LRP1B: variants seen among roughly 807,000 people sequenced by gnomAD.
LRP1B encodes low-density lipoprotein receptor-related protein 1B.
Under a neutral mutation model 556.6 loss-of-function variants are expected in LRP1B, and 217 were observed. The ratio of observed to expected loss-of-function variants is 0.39; its 90% CI spans 0.35 to 0.44. The LOEUF (loss-of-function observed/expected upper bound fraction) is 0.44, where lower values mean the gene tolerates loss of function less well. Among genes scored for constraint, LRP1B ranks in the 20% least tolerant of loss-of-function variants. The probability of loss-of-function intolerance (pLI) is 1.00; values close to 1 mark genes in which losing one functional copy is unlikely to be tolerated. For missense variants in LRP1B, 5,053 were observed against 5,620.8 expected (o/e 0.90, Z 3.23); for synonymous variants, 2,047 against 1,865.8 (o/e 1.10, Z -2.50).
At chr2:142,059,562 G>T (rs535096782) in intron 1 of LRP1B, among the ~76,000 whole-genome samples, 1 of 151,896 alleles carries the variant, frequency 6.6e-6, no homozygotes, top group South Asian at 2.1e-4. Flanking sequence ...TATAGTAGGC[G>T]ATCTTTTAAA....
chr2:140,745,661 A>T (rs528955484), intron 35 of LRP1B, among the ~76,000 whole-genome samples: 7 of 151,976 alleles, frequency 4.6e-5, no homozygotes, highest in African/African-American at 1.7e-4. Flanking sequence ...GTTCCCTTTC[A>T]TGAAAGATTT....
intron 32 of LRP1B, among the ~76,000 whole-genome samples, chr2:140,812,550 T>C (rs1177746581): frequency 1.3e-5 from 2 of 151,902 alleles, no homozygotes; most frequent in African/African-American, 2.4e-5. Context: ...AACTGTTTAC[T>C]TATTAACATA....
chr2:141,523,927 A>G (rs190723921), intron 2 of LRP1B, among the ~76,000 whole-genome samples: 11 of 152,290 alleles, frequency 7.2e-5, no homozygotes, highest in African/African-American at 2.4e-4. Flanking sequence ...AACTAAACCA[A>G]TGATTGTCAC....
At chr2:140,235,950 TAATA>T (rs1295898497) in intron 89 of LRP1B, among the ~76,000 whole-genome samples, 1 of 151,040 alleles carries the variant, frequency 6.6e-6, no homozygotes, top group Non-Finnish European at 1.5e-5. Flanking sequence ...TTCATAGATA[TAATA>T]GATTATCAAT....
rs1699261012 is a variant in LRP1B at position 141,058,927 on chromosome 2, T to G, written c.1364A>C (p.Asn455Thr). ...TDIHSLIKIE[N>T]AWGIRIYQKR... Reference sequence around the variant, plus strand: ...TTGATAAATTCGGATTCCCCAAGCATTCTCAATTTTAATTAATGAGTGAAT... The same window carrying G: ...TTGATAAATTCGGATTCCCCAAGCAGTCTCAATTTTAATTAATGAGTGAAT... The change falls in exon 9 of 91, where the codon AAT (asparagine) becomes ACT (threonine). Residue 455 changes from asparagine to threonine, a missense_variant. By Grantham distance (65) the Asn-to-Thr change is moderately conservative. This residue lies in a region of LRP1B where 3,619 missense variants were observed against 3,931.9 expected (regional missense o/e 0.92). Coordinates refer to ENST00000389484, the MANE Select transcript of LRP1B (RefSeq NM_018557.3). 1.3e-6 allele frequency: 2 copies of G among 1,598,992 alleles called. No individual in the cohort carries two copies. The highest frequency in any genetic ancestry group is 1.7e-6 in the Non-Finnish European group (2 of 1,173,896).
chr2:141,947,419 C>G (rs367993586), intron 1 of LRP1B, among the ~76,000 whole-genome samples: 4 of 151,740 alleles, frequency 2.6e-5, no homozygotes, highest in South Asian at 4.2e-4. Context: ...CCTGGGGACA[C>G]AGCGAGAGTC....
At chr2:141,710,568 A>G (rs1692320495) in intron 2 of LRP1B, among the ~76,000 whole-genome samples, 1 of 152,184 alleles carries the variant, frequency 6.6e-6, no homozygotes, top group African/African-American at 2.4e-5. Context: ...AGGGGTTGAA[A>G]TAATAGCCAG....
At chr2:141,574,932 A>G (rs894652079) in intron 2 of LRP1B, among the ~76,000 whole-genome samples, 3 of 152,124 alleles carry the variant, frequency 2.0e-5, no homozygotes, top group Non-Finnish European at 4.4e-5. Flanking sequence ...AGAACTACAA[A>G]CCACTGCTCA....
chr2:141,182,831 GT>G (rs1243083181), intron 7 of LRP1B, among the ~76,000 whole-genome samples: 1 of 151,610 alleles, frequency 6.6e-6, no homozygotes, highest in Non-Finnish European at 1.5e-5. Flanking sequence ...GGGGGAGTTG[GT>G]TGTAGGTATG....
intron 2 of LRP1B, among the ~76,000 whole-genome samples, chr2:141,679,727 A>G (rs897730634): frequency 2.6e-5 from 4 of 152,144 alleles, no homozygotes; most frequent in East Asian, 1.9e-4. Flanking sequence ...ATTTTGATAT[A>G]TTCATGTTTT....
intron 29 of LRP1B, among the ~76,000 whole-genome samples, chr2:140,844,262 C>T (rs1692208290): frequency 6.6e-6 from 1 of 152,048 alleles, no homozygotes; most frequent in Non-Finnish European, 1.5e-5. Flanking sequence ...TTGGGTTTCT[C>T]CATGTTGATC....
In LRP1B at chr2:140,702,147, G is replaced by A. The variant is rs1464081618; in HGVS notation, c.6296C>T (p.Ser2099Phe). 5 of 1,612,846 alleles carry A rather than the reference G, an allele frequency of 3.1e-6. No individual in the cohort carries two copies. The highest frequency in any genetic ancestry group is 4.2e-6 in the Non-Finnish European group (5 of 1,179,496). The change falls in exon 39 of 91, where the codon TCT (serine) becomes TTT (phenylalanine). Residue 2099 changes from serine to phenylalanine, a missense_variant. By Grantham distance (155) the Ser-to-Phe change is radical. This residue lies in a region of LRP1B where 3,619 missense variants were observed against 3,931.9 expected (regional missense o/e 0.92). Coordinates refer to ENST00000389484, the MANE Select transcript of LRP1B (RefSeq NM_018557.3). ...TTATGAAAAAATAAATTACCTGTCA[G>A]ACCAGTAGATGTAAGCCCCAAAGAC... ...VAVFGAYIYW[S>F]DRAHANGSVR... is the part of the protein sequence containing the mutation.
chr2:142,002,308 A>G (rs1243112849), intron 1 of LRP1B, among the ~76,000 whole-genome samples: 1 of 152,082 alleles, frequency 6.6e-6, no homozygotes, highest in Non-Finnish European at 1.5e-5. Context: ...CAGTGGCACA[A>G]AATTGGGAGA....
chr2:142,004,130 CAAG>C (rs1267995109), intron 1 of LRP1B, among the ~76,000 whole-genome samples: 2 of 152,082 alleles, frequency 1.3e-5, no homozygotes, highest in South Asian at 2.1e-4. Flanking sequence ...ATGCTGGAGA[CAAG>C]AAGGTTAGGA....
chr2:142,064,200 C>T (rs1705018371), intron 1 of LRP1B, among the ~76,000 whole-genome samples: 1 of 151,422 alleles, frequency 6.6e-6, no homozygotes, highest in African/African-American at 2.4e-5. Context: ...TCATATAATC[C>T]TATTAGTGGC....
At chr2:141,102,206 G>A (rs1399382387) in intron 7 of LRP1B, among the ~76,000 whole-genome samples, 2 of 152,002 alleles carry the variant, frequency 1.3e-5, no homozygotes, top group Non-Finnish European at 2.9e-5. Context: ...TTATGAATTA[G>A]AATTAGCCAA....
At chr2:140,669,851 GCA>G (rs149496594) in intron 41 of LRP1B, among the ~76,000 whole-genome samples, 2,074 of 152,078 alleles carry the variant, frequency 0.014, 40 homozygotes, top group Admixed American at 0.046. Context: ...AGTGATAATC[GCA>G]CACATATTAA....
chr2:141,392,935 A>G (rs1364222177), intron 3 of LRP1B, among the ~76,000 whole-genome samples: 3 of 152,134 alleles, frequency 2.0e-5, no homozygotes, highest in Non-Finnish European at 4.4e-5. Flanking sequence ...GTTTCACAAG[A>G]AGCACTGTAG....
At chr2:140,646,947 G>A (rs1684506992) in intron 41 of LRP1B, among the ~76,000 whole-genome samples, 1 of 151,820 alleles carries the variant, frequency 6.6e-6, no homozygotes, top group South Asian at 2.1e-4. Flanking sequence ...CATATAGATT[G>A]AAATATTACT....
Sources: gnomAD v4.1 joint callset for allele counts (sites outside exome capture counted in the v4.1 genomes callset) on GRCh38, gnomAD v4.1.1 for gene constraint, gnomAD v4.1.1 regional missense constraint, MANE v1.5 for transcripts, NCBI Gene and HGNC (gene_info 2026-07-23, HGNC 2026-07-21) for gene names.